Variants in MAST2 observed in about 807,000 individuals in gnomAD.
The protein encoded by MAST2 is microtubule-associated serine/threonine-protein kinase 2.
MAST2 carries 70 observed loss-of-function variants against 147.4 expected under a neutral mutation model. The observed-to-expected ratio is 0.47, with a 90% CI of 0.39 to 0.58. The LOEUF is 0.58. Ranked by LOEUF, MAST2 falls within the 20% of genes least tolerant of loss-of-function variation. The pLI, the probability that MAST2 is intolerant of heterozygous loss-of-function variation, is 0.00. For missense variants in MAST2, 2,080 were observed against 2,302.3 expected, an observed-to-expected ratio of 0.90 and a Z score of 1.98; for synonymous variants, 869 against 896.8, an observed-to-expected ratio of 0.97 and a Z score of 0.55.
intron 3 of MAST2, among the ~76,000 whole-genome samples, chr1:45,873,189 A>ATTTT (rs35141954): frequency 7.0e-6 from 1 of 143,246 alleles, no homozygotes; most frequent in Non-Finnish European, 1.5e-5. Flanking sequence ...TCTTCTTCCT[A>ATTTT]TTTTTTTTTT....
intron 1 of MAST2, among the ~76,000 whole-genome samples, chr1:45,821,508 A>G (rs1449042962): frequency 1.0e-5 from 1 of 99,486 alleles, no homozygotes; most frequent in South Asian, 3.2e-4. Context: ...TTGGTATGTT[A>G]TTTCTTCTTT....
chr1:46,034,078 A>G lies in MAST2; in HGVS notation c.3680A>G (p.Lys1227Arg). Residue 1227 changes from lysine (K) to arginine (R), a missense_variant, in exon 28 of 29, where the codon AAA becomes AGA. This residue lies in a region of MAST2 where 1,278 missense variants were observed against 1,304.2 expected (regional missense o/e 0.98). Coordinates refer to ENST00000361297, the MANE Select transcript of MAST2 (RefSeq NM_015112.3). ...SRGKDGQESR[K>R]RSSLFRKITK... ...TTTGACCCTTATCCCCGCAGCAGAAAAAGGAGCTCCCTGTTCCGCAAGATC... is the reference window on the plus strand; with the variant it reads ...TTTGACCCTTATCCCCGCAGCAGAAGAAGGAGCTCCCTGTTCCGCAAGATC... The G allele has an allele frequency of 1.2e-6, 2 of 1,613,142 alleles. No homozygotes were observed. The highest frequency in any genetic ancestry group is 1.7e-6 in the Non-Finnish European group (2 of 1,179,482).
intron 8 of MAST2, 128 bp downstream of exon 8, chr1:46,006,523 A>G (rs766080960): frequency 2.0e-5 from 15 of 745,590 alleles, no homozygotes; most frequent in Admixed American, 3.4e-5. Flanking sequence ...TAGGCCATAT[A>G]TCTCTGTCAC....
At chr1:45,890,170 G>A (rs925266740) in intron 4 of MAST2, among the ~76,000 whole-genome samples, 4 of 152,174 alleles carry the variant, frequency 2.6e-5, no homozygotes, top group Admixed American at 2.6e-4. Flanking sequence ...AGACTAAGTT[G>A]GGTTTCCCAG....
chr1:45,878,924 A>T (rs1263007030), intron 3 of MAST2, among the ~76,000 whole-genome samples: 6 of 116,060 alleles, frequency 5.2e-5, no homozygotes, highest in African/African-American at 1.2e-4. Flanking sequence ...GTATAATCCC[A>T]GCAGGCTTTT....
At chr1:45,866,302 C>T (rs1001511623) in intron 3 of MAST2, among the ~76,000 whole-genome samples, 2 of 152,108 alleles carry the variant, frequency 1.3e-5, no homozygotes, top group South Asian at 4.2e-4. Context: ...CTAATTTCTC[C>T]TGTTAGCACA....
chr1:45,995,504 C>A (rs1384392563), intron 5 of MAST2, among the ~76,000 whole-genome samples: 1 of 152,210 alleles, frequency 6.6e-6, no homozygotes, highest in African/African-American at 2.4e-5. Context: ...CGAGTTTATT[C>A]AACTTACATA....
At chr1:45,962,896 G>T (rs1304349524) in intron 5 of MAST2, among the ~76,000 whole-genome samples, 1 of 152,098 alleles carries the variant, frequency 6.6e-6, no homozygotes, top group East Asian at 1.9e-4. Flanking sequence ...TATGGTTTTA[G>T]GTCTAACATT....
chr1:45,886,779 T>C (rs890029270), intron 4 of MAST2, among the ~76,000 whole-genome samples: 1 of 152,204 alleles, frequency 6.6e-6, no homozygotes, highest in Non-Finnish European at 1.5e-5. Context: ...AGTGGGGGCC[T>C]CTTTTTGATG....
intron 8 of MAST2, among the ~76,000 whole-genome samples, chr1:46,007,239 G>A (rs1188314734): frequency 6.6e-6 from 1 of 152,146 alleles, no homozygotes; most frequent in Admixed American, 6.5e-5. Flanking sequence ...CAGAGGAGCA[G>A]CAGTTCCTCC....
chr1:45,885,168 T>C (rs1647027822), intron 4 of MAST2, among the ~76,000 whole-genome samples: 1 of 152,194 alleles, frequency 6.6e-6, no homozygotes, highest in Admixed American at 6.5e-5. Flanking sequence ...TTAAAGTTTC[T>C]ATAATTGTCA....
chr1:46,012,634 T>G (rs1417806574), intron 10 of MAST2, among the ~76,000 whole-genome samples: 1 of 152,116 alleles, frequency 6.6e-6, no homozygotes, highest in Non-Finnish European at 1.5e-5. Flanking sequence ...ATGCTGACTC[T>G]TTGTGGAAAG....
chr1:45,854,710 T>G (rs1346589297), intron 3 of MAST2, among the ~76,000 whole-genome samples: 2 of 151,858 alleles, frequency 1.3e-5, no homozygotes, highest in East Asian at 1.9e-4. Flanking sequence ...CATTTATGGG[T>G]TTTTTTTCCC....
chr1:45,887,847 C>G (rs1225199033), intron 4 of MAST2, among the ~76,000 whole-genome samples: 1 of 152,020 alleles, frequency 6.6e-6, no homozygotes, highest in Non-Finnish European at 1.5e-5. Context: ...CATTTAAGAC[C>G]CTGTCTTTTA....
intron 4 of MAST2, among the ~76,000 whole-genome samples, chr1:45,939,276 C>T (rs973001490): frequency 3.9e-5 from 6 of 152,198 alleles, no homozygotes; most frequent in African/African-American, 9.7e-5. Context: ...TATCCTTCTA[C>T]TATTGAATCC....
At chr1:45,946,590 G>A (rs981737006) in intron 4 of MAST2, among the ~76,000 whole-genome samples, 1 of 152,154 alleles carries the variant, frequency 6.6e-6, no homozygotes, top group Non-Finnish European at 1.5e-5. Flanking sequence ...GGAACATGTA[G>A]CAGAGATGTT....
At position 45,974,809 on chromosome 1, in the gene MAST2, T is replaced by C. The variant is rs1209873162; in HGVS notation, c.592+15332T>C. ...GCTTTTCTATATGACTTTCTGAAAC[T>C]TCTCAGGCTAGGATTTTGGAAAGAT... is the stretch of plus-strand genomic sequence containing the variant. On this transcript the variant is annotated intron_variant, in intron 5 of 28. Coordinates refer to ENST00000361297, the MANE Select transcript of MAST2 (RefSeq NM_015112.3). Among the ~76,000 whole-genome samples, 3 of 152,184 alleles carry C rather than the reference T, an allele frequency of 2.0e-5. No homozygotes were observed. In the East Asian group the frequency reaches 5.8e-4, roughly 29 times the overall value.
chr1:45,839,834 A>AT (rs1645219061), intron 3 of MAST2, among the ~76,000 whole-genome samples: 1 of 152,236 alleles, frequency 6.6e-6, no homozygotes, highest in Admixed American at 6.5e-5. Flanking sequence ...AGATATATAG[A>AT]TCACTGGAAC....
intron 4 of MAST2, among the ~76,000 whole-genome samples, chr1:45,888,020 G>A (rs1349232549): frequency 1.3e-5 from 2 of 152,218 alleles, no homozygotes; most frequent in Admixed American, 6.5e-5. Flanking sequence ...AGCTTTACCT[G>A]TGTAGGTGGG....
Sources: allele counts gnomAD v4.1 joint callset (sites outside exome capture counted in the v4.1 genomes callset), GRCh38; gene constraint gnomAD v4.1.1; regional missense constraint gnomAD v4.1.1; transcripts MANE v1.5; gene names NCBI Gene and HGNC (gene_info 2026-07-23, HGNC 2026-07-21).